Variants in WHR1 observed in about 807,000 individuals in gnomAD.
WHR1 encodes MHC class III HLA-RP1.
the WHR1 span, chr6:31,980,343 G>T: frequency 9.8e-7 from 1 of 1,016,420 alleles, no homozygotes; most frequent in African/African-American, 1.6e-5. Context: ...AGTCTCTCTT[G>T]CATGGTTGCC....
chr6:31,974,978 G>A, the WHR1 span, among the ~76,000 whole-genome samples: 1 of 152,112 alleles, frequency 6.6e-6, no homozygotes, highest in Non-Finnish European at 1.5e-5. Context: ...TTAATGTATT[G>A]GTGTTAGCTT....
At chr6:31,975,220 G>A in the WHR1 span, among the ~76,000 whole-genome samples, 9 of 67,692 alleles carry the variant, frequency 1.3e-4, no homozygotes, top group Non-Finnish European at 2.4e-4. Context: ...TTTTTTTTTT[G>A]AGGTGGAGTG....
the WHR1 span, among the ~76,000 whole-genome samples, chr6:31,976,160 C>A: frequency 1.0e-4 from 15 of 143,066 alleles, no homozygotes; most frequent in East Asian, 2.9e-3. Flanking sequence ...CCCTCCCGGA[C>A]AGGGCGGCTG....
chr6:31,978,703 A>G, the WHR1 span, among the ~76,000 whole-genome samples: 1 of 152,212 alleles, frequency 6.6e-6, no homozygotes, highest in Admixed American at 6.5e-5. Context: ...TATATAAGGC[A>G]GGTGGATGAG....
chr6:31,972,335 C>T, the WHR1 span: 2 of 1,613,042 alleles, frequency 1.2e-6, no homozygotes, highest in African/African-American at 2.7e-5. This position sits in a 1 kb window ranked among gnomAD's most constrained non-coding sequence, Gnocchi z 6.3. Flanking sequence ...CGTCACTGCT[C>T]TGCGCCGGAA....
chr6:31,976,584 C>T, the WHR1 span, among the ~76,000 whole-genome samples: 1 of 151,466 alleles, frequency 6.6e-6, no homozygotes, highest in Non-Finnish European at 1.5e-5. Flanking sequence ...AGAGGGGCTC[C>T]TCACATCCCA....
the WHR1 span, chr6:31,972,029 A>G: frequency 2.3e-5 from 37 of 1,609,074 alleles, no homozygotes; most frequent in Admixed American, 8.4e-5. This position sits in a 1 kb window ranked among gnomAD's most constrained non-coding sequence, Gnocchi z 6.3. Context: ...TCGATGATGC[A>G]ATCATTCAGC....
chr6:31,971,215 A>T, the WHR1 span: 3 of 1,573,146 alleles, frequency 1.9e-6, no homozygotes, highest in Non-Finnish European at 2.6e-6. This position sits in a 1 kb window ranked among gnomAD's most constrained non-coding sequence, Gnocchi z 4.5. Context: ...CTCGAAGAAT[A>T]GTCTTGTTTC....
the WHR1 span, chr6:31,971,961 C>A: frequency 6.3e-7 from 1 of 1,578,420 alleles, no homozygotes; most frequent in Non-Finnish European, 8.6e-7. This position sits in a 1 kb window ranked among gnomAD's most constrained non-coding sequence, Gnocchi z 4.5. Flanking sequence ...CTCCGCAGAG[C>A]TATGACGTCA....
the WHR1 span, chr6:31,980,254 G>T: frequency 3.7e-6 from 2 of 535,992 alleles, no homozygotes; most frequent in South Asian, 6.1e-5. Context: ...TCCAGGTAGG[G>T]GGCCTGGAAC....
the WHR1 span, chr6:31,972,055 A>G: frequency 2.5e-6 from 4 of 1,611,984 alleles, no homozygotes; most frequent in African/African-American, 5.3e-5. This position sits in a 1 kb window ranked among gnomAD's most constrained non-coding sequence, Gnocchi z 6.3. Context: ...TGGCGGGCAA[A>G]CCCCTCCCGG....
chr6:31,971,868 G>A, the WHR1 span: 2 of 1,426,536 alleles, frequency 1.4e-6, no homozygotes, highest in Non-Finnish European at 9.3e-7. The surrounding 1 kb of genome is among the most constrained non-coding windows in gnomAD (Gnocchi z 4.5). Flanking sequence ...CCTCCCTCCA[G>A]GTCCTCCAAA....
chr6:31,978,952 A>G, the WHR1 span: 1 of 1,612,432 alleles, frequency 6.2e-7, no homozygotes, highest in Middle Eastern at 1.7e-4. Flanking sequence ...CTGGGCTTCG[A>G]CTTGGATGCC....
chr6:31,971,209 A>T, the WHR1 span: 12 of 1,580,742 alleles, frequency 7.6e-6, no homozygotes, highest in Non-Finnish European at 6.0e-6. The surrounding 1 kb of genome is among the most constrained non-coding windows in gnomAD (Gnocchi z 4.5). Context: ...GCTCCCCTCG[A>T]AGAATAGTCT....
At chr6:31,972,855 C>T in the WHR1 span, 7 of 1,573,228 alleles carry the variant, frequency 4.4e-6, no homozygotes, top group Non-Finnish European at 6.0e-6. This position sits in a 1 kb window ranked among gnomAD's most constrained non-coding sequence, Gnocchi z 6.3. Flanking sequence ...AGCATTAGGC[C>T]TTTCAGGCGA....
the WHR1 span, chr6:31,980,765 A>G: frequency 1.9e-6 from 3 of 1,600,850 alleles, no homozygotes; most frequent in South Asian, 2.2e-5. Context: ...CTCACCTACC[A>G]TGTGCACGAC....
the WHR1 span, chr6:31,978,905 G>A: frequency 6.2e-7 from 1 of 1,612,686 alleles, no homozygotes; most frequent in Non-Finnish European, 8.5e-7. Context: ...GGAGACAGAA[G>A]GAGCTTCAAG....
the WHR1 span, chr6:31,980,084 A>G: frequency 3.5e-6 from 1 of 283,142 alleles, no homozygotes; most frequent in African/African-American, 2.1e-5. Flanking sequence ...GGTGGGAGCC[A>G]TGGCGCAGTC....
chr6:31,971,596 G>A, the WHR1 span: 1 of 1,613,752 alleles, frequency 6.2e-7, no homozygotes, highest in South Asian at 1.1e-5. This position sits in a 1 kb window ranked among gnomAD's most constrained non-coding sequence, Gnocchi z 4.5. Context: ...GGGCAGAGAA[G>A]GTGCTGGACG....
Sources: allele counts gnomAD v4.1 joint callset (sites outside exome capture counted in the v4.1 genomes callset), GRCh38; gene constraint gnomAD v4.1.1; non-coding constraint Gnocchi (gnomAD v3.1); transcripts MANE v1.5; gene names NCBI Gene and HGNC (gene_info 2026-07-23, HGNC 2026-07-21).